Variants in ASTN2 observed in about 807,000 individuals in gnomAD.
ASTN2 encodes the protein astrotactin-2.
ASTN2 carries 54 observed loss-of-function variants against 139.8 expected under a neutral mutation model. The observed-to-expected ratio is 0.39, with a 90% confidence interval of 0.31 to 0.48. The LOEUF (loss-of-function observed/expected upper bound fraction) is 0.48, where lower values mean the gene tolerates loss of function less well. Ranked by LOEUF, ASTN2 falls within the 20% of genes least tolerant of loss-of-function variation. ASTN2 has a pLI of 0.95. For missense variants in ASTN2, 1,565 were observed against 1,725.1 expected (o/e 0.91, Z 1.64); for synonymous variants, 756 against 719.5 (o/e 1.05, Z -0.81).
chr9:116,896,816 T>C (rs1437744615), intron 10 of ASTN2, among the ~76,000 whole-genome samples: 2 of 152,112 alleles, frequency 1.3e-5, no homozygotes, highest in African/African-American at 4.8e-5. Flanking sequence ...TTTACCATCA[T>C]GAGAACAGCA....
Position 117,141,599 on chromosome 9 carries a change from C to A in ASTN2, c.1016-121G>T, listed in dbSNP as rs1193086265. The A allele has an allele frequency of 2.5e-5, 22 of 888,788 alleles. No individual in the cohort carries two copies. In the Admixed American group the frequency reaches 2.5e-4, roughly 10 times the overall value. 55.1% of individuals were successfully genotyped at this position (888,788 alleles called of 1,614,324 possible). On this transcript the variant is annotated intron_variant, in intron 3 of 22. Coordinates refer to ENST00000313400, the MANE Select transcript of ASTN2 (RefSeq NM_001365068.1). ...CCCTAGAGCACTAGACCTGGCCACCCTAATTCCTTGAAACTCCCTCCCTGA... is the reference window on the plus strand; with the variant it reads ...CCCTAGAGCACTAGACCTGGCCACCATAATTCCTTGAAACTCCCTCCCTGA...
intron 17 of ASTN2, among the ~76,000 whole-genome samples, chr9:116,632,166 G>C (rs1385221101): frequency 1.9e-4 from 7 of 36,076 alleles, no homozygotes; most frequent in East Asian, 2.0e-3. Flanking sequence ...GACAGAGAGA[G>C]AGAGAGAGAG....
rs980513304 is a variant in ASTN2, at chr9:116,795,950, C to T, written c.2396+9682G>A. 3.9e-5 allele frequency among the ~76,000 whole-genome samples: 6 copies of T among 152,162 alleles called. No individual in the cohort carries two copies. In the East Asian group the frequency reaches 5.8e-4, roughly 15 times the overall value. The stretch of plus-strand genomic sequence containing the variant: ...CCACACAGCTTGGAAAGGGCAGACA[C>T]GGGATTTGGACCCTGTTAGTTTTTA... On this transcript the variant is annotated intron_variant, in intron 13 of 22. Transcript: ENST00000313400.
intron 10 of ASTN2, among the ~76,000 whole-genome samples, chr9:116,942,090 GCA>G (rs71379244): frequency 0.024 from 3,606 of 149,722 alleles, 121 homozygotes; most frequent in Middle Eastern, 0.076. Flanking sequence ...ACGCACGCAC[GCA>G]CACACACACA....
intron 13 of ASTN2, among the ~76,000 whole-genome samples, chr9:116,776,559 T>C (rs974861247): frequency 5.3e-5 from 8 of 152,110 alleles, no homozygotes; most frequent in African/African-American, 1.9e-4. Context: ...TTGTTTTCTG[T>C]GATTCTATAT....
At chr9:116,608,220 T>C (rs957945282) in intron 19 of ASTN2, among the ~76,000 whole-genome samples, 4 of 152,124 alleles carry the variant, frequency 2.6e-5, no homozygotes, top group African/African-American at 9.7e-5. Flanking sequence ...GAGAGCTGCA[T>C]AGAGGAAAAA....
At chr9:116,642,939 C>G (rs553041168) in intron 17 of ASTN2, among the ~76,000 whole-genome samples, 8 of 152,288 alleles carry the variant, frequency 5.3e-5, no homozygotes, top group African/African-American at 1.9e-4. Flanking sequence ...CCAAATCTTT[C>G]AGGCCTGTTG....
chr9:116,721,816 T>C (rs1160176127), intron 16 of ASTN2, among the ~76,000 whole-genome samples: 1 of 152,214 alleles, frequency 6.6e-6, no homozygotes, highest in Admixed American at 6.5e-5. Flanking sequence ...TACCAGTGGT[T>C]ATTGGCATGC....
At chr9:117,121,858 G>A (rs1006833355) in intron 4 of ASTN2, among the ~76,000 whole-genome samples, 2 of 152,158 alleles carry the variant, frequency 1.3e-5, no homozygotes, top group Non-Finnish European at 2.9e-5. Context: ...GGGAGTGAGG[G>A]TAGACGTGCT....
At chr9:117,190,771 CT>C (rs1282737834) in intron 3 of ASTN2, among the ~76,000 whole-genome samples, 1 of 152,098 alleles carries the variant, frequency 6.6e-6, no homozygotes, top group Non-Finnish European at 1.5e-5. Context: ...TCATTAAGAC[CT>C]TTCCTGAGGG....
At chr9:116,990,260 G>T (rs1836814311) in intron 7 of ASTN2, among the ~76,000 whole-genome samples, 1 of 152,102 alleles carries the variant, frequency 6.6e-6, no homozygotes, top group Non-Finnish European at 1.5e-5. Context: ...CTTCTTAAAA[G>T]TTCTTTTGTT....
chr9:117,338,730 G>C (rs529615193), intron 1 of ASTN2, among the ~76,000 whole-genome samples: 67 of 151,760 alleles, frequency 4.4e-4, no homozygotes, highest in African/African-American at 1.6e-3. Context: ...TGGTGCAAAA[G>C]TAATTTTTTT....
At chr9:116,737,918 C>T (rs549521101) in intron 13 of ASTN2, among the ~76,000 whole-genome samples, 133 of 152,136 alleles carry the variant, frequency 8.7e-4, no homozygotes, top group African/African-American at 2.9e-3. Flanking sequence ...ATTGGCCGGG[C>T]GCGGTGGCTC....
intron 15 of ASTN2, 70 bp from the exon 16 acceptor site, chr9:116,726,020 C>T (rs1202283691): frequency 1.4e-6 from 2 of 1,480,482 alleles, no homozygotes; most frequent in African/African-American, 2.8e-5. Context: ...TATACGGTGG[C>T]AGGAGTTCTT....
chr9:117,017,027 C>T (rs1837733814), intron 6 of ASTN2, among the ~76,000 whole-genome samples: 1 of 151,548 alleles, frequency 6.6e-6, no homozygotes, highest in South Asian at 2.1e-4. Flanking sequence ...GGTCTTGCTT[C>T]AAAGTTGAGT....
At chr9:116,746,319 C>G (rs897141559) in intron 13 of ASTN2, among the ~76,000 whole-genome samples, 1 of 152,096 alleles carries the variant, frequency 6.6e-6, no homozygotes, top group African/African-American at 2.4e-5. Context: ...AACTCCTGAT[C>G]TCGTGATCTG....
At chr9:116,574,552 T>C (rs1316595579) in intron 19 of ASTN2, among the ~76,000 whole-genome samples, 3 of 152,242 alleles carry the variant, frequency 2.0e-5, no homozygotes, top group Non-Finnish European at 4.4e-5. Flanking sequence ...AACAGCTCAC[T>C]GATCCCAGTG....
intron 19 of ASTN2, among the ~76,000 whole-genome samples, chr9:116,554,991 A>C (rs1411719525): frequency 6.6e-6 from 1 of 152,190 alleles, no homozygotes; most frequent in Non-Finnish European, 1.5e-5. Context: ...TTATCTGTGC[A>C]CTGCAAACCC....
At chr9:117,353,266 G>C (rs1455217593) in intron 1 of ASTN2, among the ~76,000 whole-genome samples, 1 of 152,030 alleles carries the variant, frequency 6.6e-6, no homozygotes, top group Non-Finnish European at 1.5e-5. Flanking sequence ...AAAATCCAGA[G>C]TCTTTCTAGC....
Sources: allele counts gnomAD v4.1 joint callset (sites outside exome capture counted in the v4.1 genomes callset), GRCh38; gene constraint gnomAD v4.1.1; transcripts MANE v1.5; gene names NCBI Gene and HGNC (gene_info 2026-07-23, HGNC 2026-07-21).